AMPD1: variants seen among roughly 807,000 people sequenced by gnomAD.
AMPD1 encodes the protein AMP deaminase 1.
AMPD1 carries 74 observed loss-of-function variants against 82.9 expected under a neutral mutation model. The ratio of observed to expected loss-of-function variants is 0.89; its 90% CI spans 0.74 to 1.08. AMPD1 has a LOEUF of 1.08. Ranked by LOEUF, AMPD1 falls within the 50% of genes least tolerant of loss-of-function variation. AMPD1 has a pLI of 0.00. For synonymous variants in AMPD1, 333 were observed against 320.5 expected (o/e 1.04, Z -0.42); for missense variants, 881 against 924.5 (o/e 0.95, Z 0.61).
At chr1:114,691,974 C>G (rs1415394905) in intron 2 of AMPD1, among the ~76,000 whole-genome samples, 1 of 152,062 alleles carries the variant, frequency 6.6e-6, no homozygotes, top group Non-Finnish European at 1.5e-5. Flanking sequence ...TGTGTATTAA[C>G]AGCTGGATGG....
chr1:114,674,403 A>G (rs1379397544), intron 13 of AMPD1, among the ~76,000 whole-genome samples: 1 of 152,204 alleles, frequency 6.6e-6, no homozygotes, highest in Non-Finnish European at 1.5e-5. Context: ...CTCTACAAGA[A>G]AGTTCTGACT....
chr1:114,692,097 T>C (rs908055010), intron 2 of AMPD1, among the ~76,000 whole-genome samples: 1 of 152,150 alleles, frequency 6.6e-6, no homozygotes, highest in Non-Finnish European at 1.5e-5. Context: ...TAACAAAAAA[T>C]ACTTTAAAAC....
In AMPD1 at chr1:114,680,388, C is replaced by T. The variant is rs750771493; in HGVS notation, c.638G>A (p.Gly213Asp). 7 of 1,614,054 alleles carry T rather than the reference C, an allele frequency of 4.3e-6. No homozygotes were observed. Among genetic ancestry groups the T allele is most frequent in the Non-Finnish European group, 5.1e-6 (6 of 1,180,048 alleles). Reference sequence around the variant, plus strand: ...TTCATTAGGATAGACGTAAACTACACCGTCCTTCATTTTGAGGTGATAGCC... The same window carrying T: ...TTCATTAGGATAGACGTAAACTACATCGTCCTTCATTTTGAGGTGATAGCC... ...NLGYHLKMKD[G>D]VVYVYPNEAA... The change falls in exon 6 of 16, where the codon GGT becomes GAT. Residue 213 changes from glycine (G) to aspartate (D), a missense_variant. Transcript: ENST00000520113.
chr1:114,676,127 T>G, intron 10 of AMPD1, 124 bp from the exon 11 acceptor site: 1 of 1,134,732 alleles, frequency 8.8e-7, no homozygotes, highest in Admixed American at 1.9e-5. Context: ...CTATCCTAGG[T>G]CCATGCTCCT....
chr1:114,695,307 G>T, intron 1 of AMPD1, 143 bp downstream of exon 1: 2 of 1,266,988 alleles, frequency 1.6e-6, no homozygotes, highest in Non-Finnish European at 2.2e-6. Context: ...AAAATATTTT[G>T]TGTTTTCCTG....
At chr1:114,678,218 G>T in intron 8 of AMPD1, 115 bp downstream of exon 8, 1 of 1,474,698 alleles carries the variant, frequency 6.8e-7, no homozygotes, top group Non-Finnish European at 9.5e-7. Context: ...GGTGCTTTCA[G>T]GCAGCGTGGT....
intron 10 of AMPD1, among the ~76,000 whole-genome samples, 155 bp downstream of exon 10, chr1:114,677,196 G>C (rs909139804): frequency 6.6e-6 from 1 of 151,784 alleles, no homozygotes; most frequent in Non-Finnish European, 1.5e-5. Flanking sequence ...TGTACCCAGA[G>C]TGGACAAAAC....
intron 6 of AMPD1, 136 bp downstream of exon 6, chr1:114,680,123 G>T: frequency 1.2e-6 from 1 of 831,546 alleles, no homozygotes. Flanking sequence ...CAATGTGCAT[G>T]AAGGGCTTAA....
rs1658126368 is a variant in AMPD1, at chr1:114,680,484, T to C, written c.548-6A>G. 5.6e-6 allele frequency: 9 copies of C among 1,612,470 alleles called. No homozygotes were observed. The East Asian group carries it at 1.3e-4, about 24-fold the overall frequency. On this transcript the variant is annotated splice_polypyrimidine_tract_variant and splice_region_variant and intron_variant, in intron 5 of 15. Transcript: ENST00000520113. ...CTTCACAGGAGGAGTAAAGACTTTT[T>C]CAATCAAACACAGAGTAATATATTA...
intron 3 of AMPD1, among the ~76,000 whole-genome samples, chr1:114,688,044 C>G (rs535832077): frequency 1.3e-5 from 2 of 152,064 alleles, no homozygotes; most frequent in Admixed American, 6.6e-5. Context: ...GAGATATGGA[C>G]GAGATAGGAG....
chr1:114,678,063 G>C (rs764282319), intron 8 of AMPD1, 22 bp from the exon 9 acceptor site: 4 of 1,613,546 alleles, frequency 2.5e-6, no homozygotes, highest in Non-Finnish European at 3.4e-6. Flanking sequence ...AAAAAGAGCA[G>C]AGATGTATTA....
At chr1:114,686,955 G>A (rs1260611022) in intron 3 of AMPD1, 45 bp from the exon 4 acceptor site, 1 of 1,594,786 alleles carries the variant, frequency 6.3e-7, no homozygotes, top group Admixed American at 1.7e-5. Context: ...GTCTTCATCA[G>A]GCGTTTCATT....
Position 114,678,391 on chromosome 1 carries a change from A to G in AMPD1, c.1034T>C (p.Phe345Ser), listed in dbSNP as rs1286832869. The G allele has an allele frequency of 1.2e-6, 2 of 1,614,202 alleles. No individual in the cohort carries two copies. Among genetic ancestry groups the G allele is most frequent in the Non-Finnish European group, 1.7e-6 (2 of 1,180,032 alleles). ...KEKNLTLKEL[F>S]AKLKMHPYDL... The stretch of plus-strand genomic sequence containing the variant: ...ATAAGGATGCATTTTTAATTTAGCA[A>G]AAAGTTCCTTTAGGGTCAGATTCTT... The change falls in exon 8 of 16, where the codon TTT becomes TCT. Residue 345 changes from phenylalanine to serine, a missense_variant. By Grantham distance (155) the Phe-to-Ser change is radical. Around this residue, in one of 2 missense-constraint regions of AMPD1, gnomAD observed 783 missense variants for 786.4 expected, o/e 1.00. Transcript: ENST00000520113.
chr1:114,682,888 T>C (rs2101719102), intron 5 of AMPD1, among the ~76,000 whole-genome samples: 1 of 152,304 alleles, frequency 6.6e-6, no homozygotes, highest in African/African-American at 2.4e-5. Context: ...TCAAAAATCT[T>C]AAATATTTGC....
rs960218778 is a variant in AMPD1 at position 114,677,914 on chromosome 1, A to G, written c.1220T>C (p.Ile407Thr). 6 of 1,612,456 alleles carry G rather than the reference A, an allele frequency of 3.7e-6. No individual in the cohort carries two copies. The African/African-American group carries it at 8.1e-5, about 22-fold the overall frequency. ...ATGTGATTGGTTCCGCCTCACCTTG[A>G]TGATAGTGGCAAAATATTCCCCATT... is the stretch of plus-strand genomic sequence containing the variant. ...YINGEYFATI[I>T]KEVGADLVEA... is the part of the protein sequence containing the mutation. Residue 407 changes from isoleucine to threonine, a missense_variant, in exon 9 of 16, where the codon ATC becomes ACC. Ile to Thr is a moderately conservative substitution (Grantham distance 89). Coordinates refer to ENST00000520113, the MANE Select transcript of AMPD1 (RefSeq NM_000036.3).
intron 13 of AMPD1, 33 bp downstream of exon 13, chr1:114,674,719 A>G (rs903167273): frequency 6.2e-7 from 1 of 1,607,366 alleles, no homozygotes; most frequent in Non-Finnish European, 8.5e-7. Flanking sequence ...TCTAGCTCCA[A>G]TGTAAAAGTT....
chr1:114,673,779 G>A, intron 14 of AMPD1, 30 bp from the exon 15 acceptor site: 1 of 1,583,296 alleles, frequency 6.3e-7, no homozygotes, highest in East Asian at 2.2e-5. Flanking sequence ...GGAAAAAAGA[G>A]GAGTGAATTA....
intron 8 of AMPD1, 95 bp downstream of exon 8, chr1:114,678,238 T>C (rs1658057574): frequency 6.6e-7 from 1 of 1,517,924 alleles, no homozygotes. Flanking sequence ...TAAGCCAAGA[T>C]GGTTAAGAGA....
At chr1:114,682,512 AG>A (rs1658186484) in intron 5 of AMPD1, among the ~76,000 whole-genome samples, 2 of 152,208 alleles carry the variant, frequency 1.3e-5, no homozygotes, top group South Asian at 4.1e-4. Flanking sequence ...TAATATTAAA[AG>A]GAATTACAGA....
Sources: allele counts gnomAD v4.1 joint callset (sites outside exome capture counted in the v4.1 genomes callset), GRCh38; gene constraint gnomAD v4.1.1; regional missense constraint gnomAD v4.1.1; transcripts MANE v1.5; gene names NCBI Gene and HGNC (gene_info 2026-07-23, HGNC 2026-07-21).